CLINT1: variants seen among roughly 807,000 people sequenced by gnomAD.
CLINT1 encodes the protein clathrin interacting protein localized in the trans-Golgi region.
Under a neutral mutation model 70.4 loss-of-function variants are expected in CLINT1, and 15 were observed. The ratio of observed to expected loss-of-function variants is 0.21; its 90% CI spans 0.14 to 0.33. CLINT1 has a LOEUF of 0.33. CLINT1 is among the 10% of genes least tolerant of loss of function. CLINT1 has a pLI of 1.00. For missense variants in CLINT1, 615 were observed against 778.1 expected (o/e 0.79, Z 2.49); for synonymous variants, 227 against 254.7 (o/e 0.89, Z 1.04).
At position 157,792,901 on chromosome 5, in the gene CLINT1, T is replaced by C. The variant is rs534024888; in HGVS notation, c.1088-906A>G. 2.6e-3 allele frequency among the ~76,000 whole-genome samples: 397 copies of C among 152,304 alleles called. 2 individuals carry two copies. Among genetic ancestry groups the C allele is most frequent in the African/African-American group, 9.3e-3 (386 of 41,572 alleles). ...ATAAAAACCGTCATCTGAAAGCAAA[T>C]AGTAAGTATGTACCTTCCAAGTTAA... On this transcript the variant is annotated intron_variant, in intron 9 of 11. Coordinates refer to ENST00000411809, the MANE Select transcript of CLINT1 (RefSeq NM_014666.4).
chr5:157,842,379 G>T (rs1227920428), intron 1 of CLINT1, among the ~76,000 whole-genome samples: 2 of 152,100 alleles, frequency 1.3e-5, no homozygotes, highest in East Asian at 3.9e-4. Context: ...GCATGAATCC[G>T]GGAGGCGGAG....
At chr5:157,841,038 G>C (rs767168553) in intron 1 of CLINT1, among the ~76,000 whole-genome samples, 28 of 152,184 alleles carry the variant, frequency 1.8e-4, no homozygotes, top group Non-Finnish European at 3.8e-4. Context: ...AAGGCAGGCA[G>C]ATTGCTTGAG....
At chr5:157,804,409 A>T (rs139523932) in intron 7 of CLINT1, among the ~76,000 whole-genome samples, 1 of 152,310 alleles carries the variant, frequency 6.6e-6, no homozygotes, top group African/African-American at 2.4e-5. Flanking sequence ...TATGTCCTAT[A>T]TGTTAGATAT....
intron 1 of CLINT1, among the ~76,000 whole-genome samples, chr5:157,842,352 G>C (rs531465674): frequency 1.3e-5 from 2 of 152,098 alleles, no homozygotes; most frequent in African/African-American, 4.8e-5. Context: ...CCCTCCAGGG[G>C]CTGAGGCAGG....
chr5:157,856,848 C>G (rs1387361802), intron 1 of CLINT1, among the ~76,000 whole-genome samples: 1 of 152,072 alleles, frequency 6.6e-6, no homozygotes, highest in African/African-American at 2.4e-5. Context: ...TAATATTTTT[C>G]AACAATAGCT....
At chr5:157,801,382 CT>C (rs1328282778) in intron 8 of CLINT1, among the ~76,000 whole-genome samples, 13 of 151,960 alleles carry the variant, frequency 8.6e-5, no homozygotes, top group African/African-American at 3.1e-4. Flanking sequence ...TGGCGCATGC[CT>C]GAAATTCCAG....
At chr5:157,812,408 T>A (rs1368062049) in intron 5 of CLINT1, among the ~76,000 whole-genome samples, 1 of 152,196 alleles carries the variant, frequency 6.6e-6, no homozygotes, top group Non-Finnish European at 1.5e-5. Context: ...TCCTATTTTG[T>A]GTATCTGCTT....
chr5:157,836,179 T>C (rs980551654), intron 1 of CLINT1, among the ~76,000 whole-genome samples: 3 of 152,202 alleles, frequency 2.0e-5, no homozygotes, highest in African/African-American at 7.2e-5. Flanking sequence ...TGGTTATTGG[T>C]TTTTAATACA....
chr5:157,822,130 T>C (rs760653527), intron 1 of CLINT1, among the ~76,000 whole-genome samples: 3 of 152,110 alleles, frequency 2.0e-5, no homozygotes. Flanking sequence ...GAGGGACCTG[T>C]TGGGAGATAA....
At chr5:157,836,868 G>A (rs957444054) in intron 1 of CLINT1, among the ~76,000 whole-genome samples, 4 of 152,024 alleles carry the variant, frequency 2.6e-5, no homozygotes, top group African/African-American at 9.7e-5. Context: ...TCTTTTCTTC[G>A]TAACACAGAA....
intron 3 of CLINT1, among the ~76,000 whole-genome samples, chr5:157,815,825 G>A (rs1426082180): frequency 6.6e-6 from 1 of 152,184 alleles, no homozygotes; most frequent in Non-Finnish European, 1.5e-5. Flanking sequence ...ACTATAGGCA[G>A]CTGTAACACA....
At chr5:157,830,267 C>CA (rs1235838705) in intron 1 of CLINT1, among the ~76,000 whole-genome samples, 2 of 152,092 alleles carry the variant, frequency 1.3e-5, no homozygotes, top group Admixed American at 1.3e-4. Flanking sequence ...TTCAAACTTC[C>CA]AAAAATATTT....
intron 3 of CLINT1, among the ~76,000 whole-genome samples, chr5:157,815,654 G>A (rs1401382035): frequency 6.6e-6 from 1 of 152,164 alleles, no homozygotes; most frequent in Non-Finnish European, 1.5e-5. Context: ...ATGGGGATAT[G>A]TTCTGCGTAA....
At chr5:157,812,660 A>G (rs969301602) in intron 5 of CLINT1, among the ~76,000 whole-genome samples, 1 of 152,210 alleles carries the variant, frequency 6.6e-6, no homozygotes, top group African/African-American at 2.4e-5. Flanking sequence ...GGCCAAAAAT[A>G]CAGCTAAATT....
intron 1 of CLINT1, among the ~76,000 whole-genome samples, chr5:157,848,663 C>A (rs147390207): frequency 6.6e-6 from 1 of 151,910 alleles, no homozygotes. Flanking sequence ...GCCAGAATGC[C>A]GGCTAATTGT....
intron 1 of CLINT1, among the ~76,000 whole-genome samples, chr5:157,842,993 A>AT (rs1223732840): frequency 3.9e-5 from 6 of 152,158 alleles, no homozygotes; most frequent in Non-Finnish European, 5.9e-5. Flanking sequence ...CAGAGGTATC[A>AT]TATGTTAGAC....
At chr5:157,804,819 C>G (rs1026964862) in intron 7 of CLINT1, among the ~76,000 whole-genome samples, 2 of 151,838 alleles carry the variant, frequency 1.3e-5, no homozygotes, top group Non-Finnish European at 2.9e-5. Flanking sequence ...CTCAGCTACT[C>G]GGGAGGCTGA....
At chr5:157,794,821 G>A in intron 9 of CLINT1, 77 bp downstream of exon 9, 1 of 1,021,340 alleles carries the variant, frequency 9.8e-7, no homozygotes, top group Non-Finnish European at 1.5e-6. Context: ...GAAAGAAGCT[G>A]ACTTGGGGGG....
intron 3 of CLINT1, among the ~76,000 whole-genome samples, chr5:157,815,227 G>A (rs1458925527): frequency 6.6e-6 from 1 of 151,952 alleles, no homozygotes; most frequent in Non-Finnish European, 1.5e-5. Context: ...TTGAGCCCAG[G>A]AGGTCAAGAC....
Sources: allele counts gnomAD v4.1 joint callset (sites outside exome capture counted in the v4.1 genomes callset), GRCh38; gene constraint gnomAD v4.1.1; transcripts MANE v1.5; gene names NCBI Gene and HGNC (gene_info 2026-07-23, HGNC 2026-07-21).